FAM171A1: variants seen among roughly 807,000 people sequenced by gnomAD.
The protein encoded by FAM171A1 is protein FAM171A1.
In FAM171A1, 23 loss-of-function variants were observed where a neutral mutation model predicts 74.9. The ratio of observed to expected loss-of-function variants is 0.31; its 90% CI spans 0.22 to 0.44. FAM171A1 has a LOEUF of 0.44. Ranked by LOEUF, FAM171A1 falls within the 20% of genes least tolerant of loss-of-function variation. The pLI is 1.00. For missense variants in FAM171A1, 1,162 were observed against 1,159.2 expected, an observed-to-expected ratio of 1.00 and a Z score of -0.03; for synonymous variants, 527 against 505.7, an observed-to-expected ratio of 1.04 and a Z score of -0.57.
At chr10:15,259,953 G>A (rs1834634766) in intron 3 of FAM171A1, among the ~76,000 whole-genome samples, 1 of 151,860 alleles carries the variant, frequency 6.6e-6, no homozygotes, top group Admixed American at 6.6e-5. Context: ...AGCCTACTGG[G>A]TAGCTGGGAC....
chr10:15,327,050 A>G (rs1326563643), intron 1 of FAM171A1, among the ~76,000 whole-genome samples: 1 of 152,178 alleles, frequency 6.6e-6, no homozygotes, highest in Non-Finnish European at 1.5e-5. Context: ...AGTACTGATC[A>G]AAAATTAATG....
chr10:15,302,505 CAA>C lies in FAM171A1; in HGVS notation c.98-18402_98-18401del, dbSNP rs201888011. Among the ~76,000 whole-genome samples, 757 of 116,320 alleles carry C rather than the reference CAA, an allele frequency of 6.5e-3. 5 individuals are homozygous for C. The highest frequency in any genetic ancestry group is 9.7e-3 in the Non-Finnish European group (541 of 55,636). The allele number at this position is 116,320 out of a possible 152,430, so 76.3% of individuals were successfully genotyped here. On this transcript the variant is annotated intron_variant, in intron 1 of 7. Coordinates refer to ENST00000378116, the MANE Select transcript of FAM171A1 (RefSeq NM_001010924.2). ...AAAACAAAACAAAAAAACCCAAAAC[CAA>C]AAAAAAAAAAAAAAAACCAAAAGAA... is the stretch of plus-strand genomic sequence containing the variant.
At chr10:15,229,668 CCCATCA>C (rs1834165384) in intron 5 of FAM171A1, among the ~76,000 whole-genome samples, 1 of 115,386 alleles carries the variant, frequency 8.7e-6, no homozygotes, top group African/African-American at 3.3e-5. Context: ...CATTGTCACC[CCCATCA>C]CCATCATCAC....
At chr10:15,277,806 G>A (rs1834913227) in intron 2 of FAM171A1, among the ~76,000 whole-genome samples, 1 of 151,982 alleles carries the variant, frequency 6.6e-6, no homozygotes, top group African/African-American at 2.4e-5. Flanking sequence ...ACCCAGGCTG[G>A]AGTGCAGTGG....
chr10:15,267,802 C>T (rs538415034), intron 3 of FAM171A1, among the ~76,000 whole-genome samples: 19 of 152,062 alleles, frequency 1.2e-4, no homozygotes, highest in South Asian at 1.0e-3. Flanking sequence ...GAACACGGAG[C>T]GGTGAGGAGG....
chr10:15,333,857 C>CT (rs1835669825), intron 1 of FAM171A1, among the ~76,000 whole-genome samples: 1 of 106,696 alleles, frequency 9.4e-6, no homozygotes, highest in African/African-American at 2.9e-5. Context: ...GAAAAGAATA[C>CT]TAAAAAAAAA....
At chr10:15,301,362 A>ATATAT (rs575709720) in intron 1 of FAM171A1, among the ~76,000 whole-genome samples, 4 of 141,564 alleles carry the variant, frequency 2.8e-5, no homozygotes, top group African/African-American at 5.2e-5. Flanking sequence ...ATATATATAT[A>ATATAT]TTTTTTTTTT....
upstream of FAM171A1, among the ~76,000 whole-genome samples, chr10:15,371,328 C>G (rs1254357426): frequency 6.9e-6 from 1 of 145,730 alleles, no homozygotes; most frequent in Non-Finnish European, 1.5e-5. Flanking sequence ...CGCCGCTGCC[C>G]GCGCCCAGGC....
intron 3 of FAM171A1, among the ~76,000 whole-genome samples, chr10:15,265,578 GAAAAAAAAAAA>G (rs58125400): frequency 2.7e-5 from 1 of 37,708 alleles, no homozygotes; most frequent in African/African-American, 1.2e-4. Flanking sequence ...TGGTGCCTCT[GAAAAAAAAAAA>G]AAAAAAAAAA....
intron 1 of FAM171A1, among the ~76,000 whole-genome samples, chr10:15,290,382 C>G (rs1835089017): frequency 6.6e-6 from 1 of 152,184 alleles, no homozygotes; most frequent in Non-Finnish European, 1.5e-5. Flanking sequence ...CACTTCCCTT[C>G]CATGTTGCTA....
intron 5 of FAM171A1, among the ~76,000 whole-genome samples, chr10:15,231,483 G>C (rs1014277080): frequency 6.6e-6 from 1 of 152,080 alleles, no homozygotes; most frequent in African/African-American, 2.4e-5. Context: ...GACTACAGGT[G>C]TGAGCCACCG....
At position 15,221,063 on chromosome 10, in the gene FAM171A1, G is replaced by A; in HGVS notation, c.755-3C>T. On this transcript the variant is annotated splice_polypyrimidine_tract_variant and splice_region_variant and intron_variant, in intron 5 of 7. Transcript: ENST00000378116. The stretch of plus-strand genomic sequence containing the variant: ...CAGACCGCTCTTCAGCCACGTTCCT[G>A]TGGAATTGAGAAAGAGATGTTAGCT... 3 of 1,613,156 alleles carry A rather than the reference G, an allele frequency of 1.9e-6. No individual in the cohort carries two copies. The South Asian group carries it at 3.3e-5, about 18-fold the overall frequency.
intron 1 of FAM171A1, among the ~76,000 whole-genome samples, chr10:15,321,466 A>G (rs1458957715): frequency 1.3e-5 from 2 of 152,224 alleles, no homozygotes; most frequent in Non-Finnish European, 2.9e-5. Context: ...AGAAGCCACA[A>G]AACAGATTTT....
chr10:15,236,755 C>T (rs2131741311), intron 5 of FAM171A1, among the ~76,000 whole-genome samples: 1 of 152,238 alleles, frequency 6.6e-6, no homozygotes, highest in Middle Eastern at 3.4e-3. Context: ...TTCTTTTTCA[C>T]CCAGGTTAAT....
chr10:15,283,456 C>T (rs1834995487), intron 2 of FAM171A1, among the ~76,000 whole-genome samples: 1 of 152,212 alleles, frequency 6.6e-6, no homozygotes. Flanking sequence ...AAGCAGTGGC[C>T]TCAAGCTTTG....
Position 15,289,274 on chromosome 10 carries a change from T to C in FAM171A1, c.98-5169A>G, listed in dbSNP as rs576667388. ...ACTAGGCAAGGCATTAGTTACTACA[T>C]GACTCTCATTTATAGGAAGACCCCA... On this transcript the variant is annotated intron_variant, in intron 1 of 7. Coordinates refer to ENST00000378116, the MANE Select transcript of FAM171A1 (RefSeq NM_001010924.2). Among the ~76,000 whole-genome samples, 17 of 152,276 alleles carry C rather than the reference T, an allele frequency of 1.1e-4. No individual in the cohort carries two copies. In the South Asian group the frequency reaches 3.5e-3, roughly 32 times the overall value.
rs377177825 is a variant in FAM171A1 at position 15,214,197 on chromosome 10, A to G, written c.1391T>C (p.Phe464Ser). The change falls in exon 8 of 8, where the codon TTT (phenylalanine) becomes TCT (serine). Residue 464 changes from phenylalanine to serine, a missense_variant. By Grantham distance (155) the Phe-to-Ser change is radical (BLOSUM62 -2). Coordinates refer to ENST00000378116, the MANE Select transcript of FAM171A1 (RefSeq NM_001010924.2). ...CATAGATTTTCTTGCCTTTAAGGGA[A>G]AAACCTCCACTGACTTATGGTAGTC... is the stretch of plus-strand genomic sequence containing the variant. ...GKDYHKSVEV[F>S]PLKARKSMER... 1.9e-6 allele frequency: 3 copies of G among 1,614,058 alleles called. No homozygotes were observed. The African/African-American group carries it at 4.0e-5, about 22-fold the overall frequency.
rs1315477077 is a variant in FAM171A1 at position 15,212,144 on chromosome 10, G to T, written c.*771C>A. On this transcript the variant is annotated 3_prime_UTR_variant, in exon 8 of 8. Coordinates refer to ENST00000378116, the MANE Select transcript of FAM171A1 (RefSeq NM_001010924.2). Reference sequence around the variant, plus strand: ...AAACCAACAACAACAAAAAGCGAGGGACTGTCTGTTGTCACTGTCAAAAAG... The same window carrying T: ...AAACCAACAACAACAAAAAGCGAGGTACTGTCTGTTGTCACTGTCAAAAAG... The T allele has an allele frequency of 6.6e-6, 1 of 152,610 alleles. No homozygotes were observed. The highest frequency in any genetic ancestry group is 2.4e-5 in the African/African-American group (1 of 41,428). The allele number at this position is 152,610 out of a possible 1,614,324, so 9.5% of individuals were successfully genotyped here.
intron 1 of FAM171A1, among the ~76,000 whole-genome samples, chr10:15,314,396 C>T (rs1012075145): frequency 3.3e-5 from 5 of 152,170 alleles, no homozygotes; most frequent in Non-Finnish European, 7.4e-5. Context: ...GCTGTTTTAT[C>T]TATTTCTATG....
Sources: allele counts gnomAD v4.1 joint callset (sites outside exome capture counted in the v4.1 genomes callset), GRCh38; gene constraint gnomAD v4.1.1; transcripts MANE v1.5; gene names NCBI Gene and HGNC (gene_info 2026-07-23, HGNC 2026-07-21).